MYPN: variants seen among roughly 807,000 people sequenced by gnomAD.
MYPN encodes the protein sarcomeric protein myopalladin, 145 kDa (MYOP).
MYPN carries 63 observed loss-of-function variants against 129.4 expected under a neutral mutation model. The observed-to-expected ratio is 0.49, with a 90% CI of 0.40 to 0.60. The LOEUF (loss-of-function observed/expected upper bound fraction) is 0.60, where lower values mean the gene tolerates loss of function less well. MYPN is among the 20% of genes least tolerant of loss of function. MYPN has a pLI of 0.00. For missense variants in MYPN, 1,596 were observed against 1,635.4 expected, an observed-to-expected ratio of 0.98 and a Z score of 0.42; for synonymous variants, 629 against 600.9, an observed-to-expected ratio of 1.05 and a Z score of -0.68.
intron 1 of MYPN, among the ~76,000 whole-genome samples, chr10:68,119,567 C>G (rs778170079): frequency 3.9e-5 from 6 of 152,006 alleles, no homozygotes; most frequent in Non-Finnish European, 7.4e-5. Context: ...CCCACCACCA[C>G]GCCCAGCTAA....
At chr10:68,175,484 G>T in intron 12 of MYPN, 23 bp downstream of exon 12, 4 of 1,613,222 alleles carry the variant, frequency 2.5e-6, no homozygotes, top group Non-Finnish European at 3.4e-6. Flanking sequence ...GATTTAGAAG[G>T]TTTATTGAAA....
At chr10:68,139,476 A>G (rs1315826751) in intron 2 of MYPN, among the ~76,000 whole-genome samples, 2 of 152,158 alleles carry the variant, frequency 1.3e-5, no homozygotes, top group Non-Finnish European at 2.9e-5. Flanking sequence ...GTACCTTTAA[A>G]AAATTCTTTT....
intron 10 of MYPN, among the ~76,000 whole-genome samples, chr10:68,168,065 C>T (rs1343003691): frequency 6.6e-6 from 1 of 152,176 alleles, no homozygotes; most frequent in Non-Finnish European, 1.5e-5. Context: ...CTTTACTTAT[C>T]TGATCCATTC....
intron 2 of MYPN, among the ~76,000 whole-genome samples, chr10:68,129,090 G>A (rs918183384): frequency 6.6e-6 from 1 of 151,898 alleles, no homozygotes; most frequent in Non-Finnish European, 1.5e-5. Flanking sequence ...TGGGTCCATG[G>A]ACCAGCAGCG....
Position 68,122,204 on chromosome 10 carries a change from C to G in MYPN, c.766C>G (p.Pro256Ala). The G allele has an allele frequency of 6.2e-7, 1 of 1,609,028 alleles. No individual in the cohort carries two copies. The highest frequency in any genetic ancestry group is 8.5e-7 in the Non-Finnish European group (1 of 1,177,420). ...AGGDTTPGSS[P>A]SSLYYEEPLG... Reference sequence around the variant, plus strand: ...TGGAGACACTACACCAGGGTCTTCCCCTTCATCTCTGTACTATGAAGAACC... The same window carrying G: ...TGGAGACACTACACCAGGGTCTTCCGCTTCATCTCTGTACTATGAAGAACC... The change falls in exon 2 of 20, where the codon CCT (proline) becomes GCT (alanine). Residue 256 changes from proline to alanine, a missense_variant. Pro to Ala is a conservative substitution (Grantham distance 27, BLOSUM62 -1). Coordinates refer to ENST00000358913, the MANE Select transcript of MYPN (RefSeq NM_032578.4).
intron 4 of MYPN, 79 bp from the exon 5 acceptor site, chr10:68,148,274 C>A (rs973509407): frequency 1.8e-6 from 2 of 1,122,020 alleles, no homozygotes; most frequent in African/African-American, 3.1e-5. Context: ...AGCAGTGATG[C>A]CATTACTAGT....
Position 68,128,552 on chromosome 10 carries a change from GT to G in MYPN, c.902+6214del, listed in dbSNP as rs57357821. On this transcript the variant is annotated intron_variant, in intron 2 of 19. Coordinates refer to ENST00000358913, the MANE Select transcript of MYPN (RefSeq NM_032578.4). ...AGTGCCTATTTATGTGCCCCATACT[GT>G]TGTAGACACTAAGGTTAAAGCAGCA... Among the ~76,000 whole-genome samples, 1,338 of 152,134 alleles carry G rather than the reference GT, an allele frequency of 8.8e-3. 36 individuals carry two copies. In the East Asian group the frequency reaches 0.096, roughly 11 times the overall value.
intron 1 of MYPN, among the ~76,000 whole-genome samples, chr10:68,110,410 C>A (rs188491135): frequency 1.3e-5 from 2 of 152,188 alleles, no homozygotes; most frequent in East Asian, 1.9e-4. Context: ...ACTGTATAAG[C>A]AAAGACAGAG....
chr10:68,102,225 C>A (rs568004313), upstream of MYPN, among the ~76,000 whole-genome samples: 2 of 150,288 alleles, frequency 1.3e-5, no homozygotes, highest in South Asian at 4.2e-4. Flanking sequence ...ACCTCCCAGG[C>A]TCGATCCTCC....
intron 19 of MYPN, among the ~76,000 whole-genome samples, chr10:68,209,685 T>TG (rs2043875738): frequency 6.9e-6 from 1 of 145,834 alleles, no homozygotes; most frequent in Non-Finnish European, 1.5e-5. Context: ...TTTTTTTTTT[T>TG]TTTGTTTGTT....
At position 68,161,515 on chromosome 10, in the gene MYPN, C is replaced by CA. The variant is rs35853407; in HGVS notation, c.1460-198dup. 0.2 allele frequency among the ~76,000 whole-genome samples: 23,415 copies of CA among 116,674 alleles called. 2,838 individuals are homozygous for CA. The highest frequency in any genetic ancestry group is 0.38 in the African/African-American group (12,848 of 33,968). 76.5% of individuals were successfully genotyped at this position (116,674 alleles called of 152,430 possible). Reference sequence around the variant, plus strand: ...GGGCAACAAGAGTGAAACTCAGTCTCAAAAAAAAAAAAAAAAGTTTTTGCT... The same window carrying CA: ...GGGCAACAAGAGTGAAACTCAGTCTCAAAAAAAAAAAAAAAAAGTTTTTGCT... On this transcript the variant is annotated intron_variant, in intron 7 of 19. Transcript: ENST00000358913.
intron 2 of MYPN, among the ~76,000 whole-genome samples, chr10:68,125,275 A>G (rs1310972769): frequency 6.6e-6 from 1 of 152,212 alleles, no homozygotes; most frequent in Non-Finnish European, 1.5e-5. Context: ...CCATGTAGCA[A>G]TGCTAATTTT....
chr10:68,169,063 C>T (rs1044783776), intron 10 of MYPN, among the ~76,000 whole-genome samples: 5 of 148,304 alleles, frequency 3.4e-5, no homozygotes, highest in East Asian at 4.0e-4. Flanking sequence ...AGTGACTTTC[C>T]GGCCAGGCAT....
At chr10:68,138,723 A>T (rs953630054) in intron 2 of MYPN, among the ~76,000 whole-genome samples, 1 of 152,158 alleles carries the variant, frequency 6.6e-6, no homozygotes, top group Non-Finnish European at 1.5e-5. Context: ...ATTCTGCAAG[A>T]TGAAGGGTTA....
intron 2 of MYPN, among the ~76,000 whole-genome samples, chr10:68,124,658 A>G (rs1424390526): frequency 6.6e-6 from 1 of 152,084 alleles, no homozygotes; most frequent in Non-Finnish European, 1.5e-5. Context: ...TGTTGTTTTT[A>G]CCTTTGTGTC....
chr10:68,188,520 G>T (rs1297740570), intron 12 of MYPN, among the ~76,000 whole-genome samples: 1 of 152,022 alleles, frequency 6.6e-6, no homozygotes, highest in East Asian at 1.9e-4. Context: ...ACAGGAAGCT[G>T]GTGATGCAGG....
chr10:68,159,833 T>C (rs974641073), intron 7 of MYPN, among the ~76,000 whole-genome samples: 1 of 152,210 alleles, frequency 6.6e-6, no homozygotes, highest in African/African-American at 2.4e-5. Context: ...ATATAACTTT[T>C]ATTTTTTATT....
chr10:68,140,506 G>A (rs1403606767), intron 2 of MYPN, among the ~76,000 whole-genome samples: 1 of 146,416 alleles, frequency 6.8e-6, no homozygotes, highest in Non-Finnish European at 1.5e-5. Flanking sequence ...CATAGTATAG[G>A]TTTTTTTTTT....
At chr10:68,106,898 G>C (rs1236689201), upstream of MYPN, 6 of 691,916 alleles carry the variant, frequency 8.7e-6, no homozygotes, top group Non-Finnish European at 1.6e-5. Context: ...ACATGTGTTG[G>C]ATGAGCCACT....
Sources: gnomAD v4.1 joint callset for allele counts (sites outside exome capture counted in the v4.1 genomes callset) on GRCh38, gnomAD v4.1.1 for gene constraint, MANE v1.5 for transcripts, NCBI Gene and HGNC (gene_info 2026-07-23, HGNC 2026-07-21) for gene names.